The following PLCL1 variants were observed in gnomAD, a reference collection of about 807,000 sequenced individuals.
The protein encoded by PLCL1 is phospholipase C like 1 (inactive).
In PLCL1, 41 loss-of-function variants were observed where a neutral mutation model predicts 84.4. The observed-to-expected ratio is 0.49, with a 90% CI of 0.38 to 0.63. The LOEUF (loss-of-function observed/expected upper bound fraction) is 0.63, where lower values mean the gene tolerates loss of function less well. PLCL1 is among the 30% of genes least tolerant of loss of function. The pLI, the probability that PLCL1 is intolerant of heterozygous loss-of-function variation, is 0.00. For synonymous variants in PLCL1, 490 were observed against 488.3 expected, an observed-to-expected ratio of 1.00 and a Z score of -0.05; for missense variants, 1,206 against 1,367.8, an observed-to-expected ratio of 0.88 and a Z score of 1.87.
At chr2:197,859,235 C>A (rs1196826500) in intron 1 of PLCL1, among the ~76,000 whole-genome samples, 3 of 152,120 alleles carry the variant, frequency 2.0e-5, no homozygotes, top group South Asian at 4.1e-4. Context: ...CCTCTTCCTA[C>A]CTTGCTTCTT....
chr2:197,809,591 A>G (rs1690542411), intron 1 of PLCL1, among the ~76,000 whole-genome samples: 1 of 152,136 alleles, frequency 6.6e-6, no homozygotes, highest in African/African-American at 2.4e-5. Context: ...AGACAGAGCA[A>G]TCTGGCAGGT....
At chr2:197,837,431 T>G (rs1691214298) in intron 1 of PLCL1, among the ~76,000 whole-genome samples, 1 of 152,260 alleles carries the variant, frequency 6.6e-6, no homozygotes, top group Non-Finnish European at 1.5e-5. Context: ...CTTAGCCGTT[T>G]TCTTGAAATC....
intron 1 of PLCL1, among the ~76,000 whole-genome samples, chr2:197,920,346 T>C (rs1688679453): frequency 6.6e-6 from 1 of 151,762 alleles, no homozygotes; most frequent in African/African-American, 2.4e-5. Flanking sequence ...AACTGGACAC[T>C]ACCATGTAGC....
rs552079836 is a variant in PLCL1, at chr2:198,070,682, T to A, written c.241-13076T>A. ...TTTAACTAAAATAACACCAGTGTAA[T>A]TATTTTAATAAAAATAATTTCAAAA... On this transcript the variant is annotated intron_variant, in intron 1 of 5. Transcript: ENST00000428675. 2.1e-4 allele frequency among the ~76,000 whole-genome samples: 32 copies of A among 152,074 alleles called. No individual in the cohort carries two copies. The Middle Eastern group carries it at 0.01, about 48-fold the overall frequency.
chr2:198,109,602 T>C (rs1693567474), intron 5 of PLCL1, among the ~76,000 whole-genome samples: 1 of 151,906 alleles, frequency 6.6e-6, no homozygotes, highest in Admixed American at 6.6e-5. Context: ...GAAGATCTCT[T>C]GGGAGCAAGA....
chr2:197,869,212 G>C (rs576080726), intron 1 of PLCL1, among the ~76,000 whole-genome samples: 1 of 152,080 alleles, frequency 6.6e-6, no homozygotes, highest in Non-Finnish European at 1.5e-5. Flanking sequence ...TTAAAACCAG[G>C]ACTGTCCGAT....
intron 1 of PLCL1, among the ~76,000 whole-genome samples, chr2:198,077,395 GC>G (rs145295065): frequency 3.3e-5 from 5 of 152,050 alleles, no homozygotes; most frequent in Non-Finnish European, 5.9e-5. Flanking sequence ...GCCCAAGTTA[GC>G]AGTAACTGCT....
intron 1 of PLCL1, among the ~76,000 whole-genome samples, chr2:197,904,396 C>T (rs571283786): frequency 1.3e-5 from 2 of 152,240 alleles, no homozygotes; most frequent in East Asian, 1.9e-4. Context: ...TTTAAAAAGT[C>T]GTTCCCTTAG....
chr2:198,070,017 A>T (rs576764621), intron 1 of PLCL1, among the ~76,000 whole-genome samples: 17 of 152,282 alleles, frequency 1.1e-4, no homozygotes, highest in Non-Finnish European at 2.5e-4. Flanking sequence ...CGGAATGCAA[A>T]GGCAAATTTG....
chr2:198,064,962 T>C (rs1485449910), intron 1 of PLCL1, among the ~76,000 whole-genome samples: 1 of 152,134 alleles, frequency 6.6e-6, no homozygotes, highest in Non-Finnish European at 1.5e-5. Context: ...ATTAGGATTT[T>C]TGAAATACAG....
chr2:198,084,276 TG>T lies in PLCL1; in HGVS notation c.760del (p.Asp254MetfsTer12). On this transcript the variant is annotated frameshift_variant, in exon 2 of 6. Transcript: ENST00000428675. LOFTEE classifies it high-confidence loss of function. ...LKTVFEAADVDGNGIMLEDTS... is the reference protein window; with the variant it reads ...LKTVFEAADVXGNGIMLEDTS... ...AAACAGTGTTTGAAGCAGCAGATGT[TG>T]ATGGGAATGGGATTATGTTGGAAGA... 6.2e-7 allele frequency: 1 copy of T among 1,614,114 alleles called. No homozygotes were observed. The highest frequency in any genetic ancestry group is 8.5e-7 in the Non-Finnish European group (1 of 1,180,010).
At chr2:197,839,956 T>G (rs1686957193) in intron 1 of PLCL1, among the ~76,000 whole-genome samples, 3 of 152,186 alleles carry the variant, frequency 2.0e-5, no homozygotes, top group Non-Finnish European at 4.4e-5. Context: ...GGAAAATAAA[T>G]GTAAGCAGTA....
intron 1 of PLCL1, among the ~76,000 whole-genome samples, chr2:198,079,372 A>G (rs1217396552): frequency 1.3e-5 from 2 of 151,936 alleles, no homozygotes; most frequent in African/African-American, 2.4e-5. Flanking sequence ...CCTATTCCTA[A>G]CAGTAGTAGA....
At chr2:198,092,228 C>G (rs1035385334) in intron 3 of PLCL1, among the ~76,000 whole-genome samples, 2 of 151,922 alleles carry the variant, frequency 1.3e-5, no homozygotes, top group South Asian at 4.1e-4. Context: ...GTCTCATCTG[C>G]CTTTTCTAGC....
chr2:198,056,121 A>C (rs992678394), intron 1 of PLCL1, among the ~76,000 whole-genome samples: 3 of 152,224 alleles, frequency 2.0e-5, no homozygotes, highest in Non-Finnish European at 4.4e-5. Flanking sequence ...CATTCAAAGA[A>C]GTGGAGAAAA....
At chr2:197,850,265 G>T (rs542203270) in intron 1 of PLCL1, among the ~76,000 whole-genome samples, 101 of 152,254 alleles carry the variant, frequency 6.6e-4, no homozygotes, top group Non-Finnish European at 1.1e-3. Flanking sequence ...TTCTCTTCCT[G>T]TCTGTCTCAC....
At chr2:198,043,359 A>G (rs760757749) in intron 1 of PLCL1, among the ~76,000 whole-genome samples, 27 of 152,212 alleles carry the variant, frequency 1.8e-4, no homozygotes, top group Non-Finnish European at 3.5e-4. Context: ...AGGCTCTGGA[A>G]TCTAATGAGT....
At chr2:198,090,035 A>C (rs988105512) in intron 3 of PLCL1, among the ~76,000 whole-genome samples, 3 of 152,178 alleles carry the variant, frequency 2.0e-5, no homozygotes, top group Admixed American at 1.3e-4. Context: ...TTGGCAATAC[A>C]ATTTAAAATG....
chr2:197,971,151 C>T (rs1689855289), intron 1 of PLCL1, among the ~76,000 whole-genome samples: 1 of 152,126 alleles, frequency 6.6e-6, no homozygotes, highest in African/African-American at 2.4e-5. Flanking sequence ...ATTTCTTTTC[C>T]AATATCTGCC....
Sources: gnomAD v4.1 joint callset for allele counts (sites outside exome capture counted in the v4.1 genomes callset) on GRCh38, gnomAD v4.1.1 for gene constraint, MANE v1.5 for transcripts, NCBI Gene and HGNC (gene_info 2026-07-23, HGNC 2026-07-21) for gene names.